HS6ST3: variants seen among roughly 807,000 people sequenced by gnomAD.
The protein encoded by HS6ST3 is heparan-sulfate 6-O-sulfotransferase 3.
In HS6ST3, 12 loss-of-function variants were observed where a neutral mutation model predicts 36.7. That is an observed-to-expected ratio of 0.33 (90% CI 0.21 to 0.53). The LOEUF (loss-of-function observed/expected upper bound fraction) is 0.53. Ranked by LOEUF, HS6ST3 falls within the 20% of genes least tolerant of loss-of-function variation. The probability of loss-of-function intolerance (pLI) is 0.95; values close to 1 mark genes in which losing one functional copy is unlikely to be tolerated. For synonymous variants in HS6ST3, 240 were observed against 257.5 expected (o/e 0.93, Z 0.65); for missense variants, 584 against 640.9 (o/e 0.91, Z 0.96).
rs113563720 is a variant in HS6ST3, at chr13:96,835,604, GACACACACACACAC to G, written c.*2424_*2437del. The stretch of plus-strand genomic sequence containing the variant: ...AAATTATCCTTCTGCCTGCCCCTGT[GACACACACACACAC>G]ACACACACACACACACAAACAATCC... On this transcript the variant is annotated 3_prime_UTR_variant, in exon 2 of 2. Transcript: ENST00000376705. The G allele has an allele frequency of 6.7e-6, 1 of 148,556 alleles. No individual in the cohort carries two copies. The highest frequency in any genetic ancestry group is 2.5e-5 in the African/African-American group (1 of 39,904). The allele number at this position is 148,556 out of a possible 1,614,324, so 9.2% of individuals were successfully genotyped here. A position where few individuals can be genotyped will look rare whatever the true frequency, so the allele number is the denominator to read the frequency against.
intron 1 of HS6ST3, among the ~76,000 whole-genome samples, chr13:96,799,984 A>ATATATATATG (rs1878018254): frequency 2.8e-4 from 26 of 92,430 alleles, no homozygotes; most frequent in East Asian, 1.8e-3. Flanking sequence ...ATATATATGT[A>ATATATATATG]TATATATATA....
At chr13:96,349,233 G>A (rs2055170077) in intron 1 of HS6ST3, among the ~76,000 whole-genome samples, 1 of 152,134 alleles carries the variant, frequency 6.6e-6, no homozygotes, top group South Asian at 2.1e-4. Flanking sequence ...AGGTTAAAAA[G>A]CAAAACAACT....
At chr13:96,591,501 C>G (rs868647745) in intron 1 of HS6ST3, among the ~76,000 whole-genome samples, 1 of 152,040 alleles carries the variant, frequency 6.6e-6, no homozygotes, top group African/African-American at 2.4e-5. Flanking sequence ...AGATTGTTCA[C>G]TGTTAGCATA....
chr13:96,112,600 T>C (rs374601381), intron 1 of HS6ST3, among the ~76,000 whole-genome samples: 6,591 of 115,194 alleles, frequency 0.057, 1,184 homozygotes, highest in Non-Finnish European at 0.084. Context: ...TATATATATA[T>C]ATATATATAT....
chr13:96,203,102 A>G (rs760691930), intron 1 of HS6ST3, among the ~76,000 whole-genome samples: 2 of 152,144 alleles, frequency 1.3e-5, no homozygotes, highest in Non-Finnish European at 2.9e-5. Flanking sequence ...ATATAGAAGC[A>G]TGTTGGGCTT....
intron 1 of HS6ST3, among the ~76,000 whole-genome samples, chr13:96,777,113 C>T (rs981349874): frequency 1.1e-4 from 16 of 152,210 alleles, no homozygotes; most frequent in Non-Finnish European, 2.1e-4. Context: ...TCAATAGATG[C>T]AGAAAAGGCC....
chr13:96,091,664 C>A, intron 1 of HS6ST3, 95 bp downstream of exon 1: 2 of 1,433,666 alleles, frequency 1.4e-6, no homozygotes, highest in Middle Eastern at 1.8e-4. Flanking sequence ...CCTGCCCCTG[C>A]CGATGGTTTC....
At chr13:96,221,422 T>C (rs1198307406) in intron 1 of HS6ST3, among the ~76,000 whole-genome samples, 1 of 152,190 alleles carries the variant, frequency 6.6e-6, no homozygotes, top group East Asian at 1.9e-4. Context: ...CTGATTGTCT[T>C]AAATAGTGTA....
intron 1 of HS6ST3, among the ~76,000 whole-genome samples, chr13:96,116,306 C>T (rs1195144870): frequency 1.3e-5 from 2 of 152,264 alleles, no homozygotes; most frequent in South Asian, 2.1e-4. Context: ...CTGACTGGCC[C>T]ACCTCACCTT....
At chr13:96,516,864 A>G (rs1395367515) in intron 1 of HS6ST3, among the ~76,000 whole-genome samples, 1 of 152,168 alleles carries the variant, frequency 6.6e-6, no homozygotes, top group African/African-American at 2.4e-5. Context: ...AAGACCTGTG[A>G]ATCTCTGGGG....
intron 1 of HS6ST3, among the ~76,000 whole-genome samples, chr13:96,692,183 T>C (rs1874982009): frequency 6.6e-6 from 1 of 152,124 alleles, no homozygotes; most frequent in African/African-American, 2.4e-5. Flanking sequence ...TTGGGGGCCA[T>C]GACATAGTAC....
chr13:96,259,898 A>C (rs911800671), intron 1 of HS6ST3, among the ~76,000 whole-genome samples: 1 of 152,176 alleles, frequency 6.6e-6, no homozygotes, highest in East Asian at 1.9e-4. Context: ...TTCTATTATA[A>C]AGTTTAAACT....
intron 1 of HS6ST3, among the ~76,000 whole-genome samples, chr13:96,212,032 C>A (rs1050838002): frequency 6.6e-6 from 1 of 152,112 alleles, no homozygotes; most frequent in Non-Finnish European, 1.5e-5. Flanking sequence ...TTAGGTATGC[C>A]CCACTAACTT....
At chr13:96,212,420 A>G (rs1234092001) in intron 1 of HS6ST3, among the ~76,000 whole-genome samples, 1 of 152,270 alleles carries the variant, frequency 6.6e-6, no homozygotes, top group Non-Finnish European at 1.5e-5. Flanking sequence ...ATCTTCCTAA[A>G]TAATTAGAGA....
intron 1 of HS6ST3, among the ~76,000 whole-genome samples, chr13:96,256,898 A>G (rs553676489): frequency 6.6e-6 from 1 of 152,036 alleles, no homozygotes; most frequent in East Asian, 1.9e-4. Context: ...ACGTCGGGAC[A>G]ACAGGAGGAA....
At chr13:96,703,067 G>T (rs1229861859) in intron 1 of HS6ST3, among the ~76,000 whole-genome samples, 4 of 152,152 alleles carry the variant, frequency 2.6e-5, no homozygotes, top group Admixed American at 2.0e-4. Context: ...CTTCTTGCAG[G>T]TCTAAAATAT....
chr13:96,489,767 A>C (rs1053572817), intron 1 of HS6ST3, among the ~76,000 whole-genome samples: 1 of 152,144 alleles, frequency 6.6e-6, no homozygotes, highest in Non-Finnish European at 1.5e-5. Context: ...ATGCACACAC[A>C]TGCACTCTTA....
At chr13:96,501,418 C>T (rs2138913243) in intron 1 of HS6ST3, among the ~76,000 whole-genome samples, 1 of 152,280 alleles carries the variant, frequency 6.6e-6, no homozygotes, top group Non-Finnish European at 1.5e-5. Flanking sequence ...AGCCAAGCTC[C>T]CTGTGTTCAA....
chr13:96,444,919 G>C (rs559025577), intron 1 of HS6ST3, among the ~76,000 whole-genome samples: 1 of 152,050 alleles, frequency 6.6e-6, no homozygotes, highest in Admixed American at 6.5e-5. Context: ...CTTGAATCTC[G>C]TAGACATACT....
Sources: allele counts gnomAD v4.1 joint callset (sites outside exome capture counted in the v4.1 genomes callset), GRCh38; gene constraint gnomAD v4.1.1; transcripts MANE v1.5; gene names NCBI Gene and HGNC (gene_info 2026-07-23, HGNC 2026-07-21).